The following GPBP1 variants were observed in gnomAD, a reference collection of about 807,000 sequenced individuals.
GPBP1 encodes the protein vasculin.
GPBP1 carries 13 observed loss-of-function variants against 56.5 expected under a neutral mutation model. The ratio of observed to expected loss-of-function variants is 0.23; its 90% CI spans 0.15 to 0.37. The LOEUF (loss-of-function observed/expected upper bound fraction) is 0.37, where lower values mean the gene tolerates loss of function less well. Among genes scored for constraint, GPBP1 ranks in the 10% least tolerant of loss-of-function variants. GPBP1 has a pLI of 1.00. For synonymous variants in GPBP1, 204 were observed against 188.9 expected (o/e 1.08, Z -0.66); for missense variants, 477 against 572.3 (o/e 0.83, Z 1.70).
intron 2 of GPBP1, among the ~76,000 whole-genome samples, chr5:57,200,193 G>T (rs1384197106): frequency 2.5e-5 from 3 of 117,648 alleles, no homozygotes; most frequent in Admixed American, 2.4e-4. Context: ...TCTTTCTTTC[G>T]TTTTAGAATT....
intron 2 of GPBP1, among the ~76,000 whole-genome samples, chr5:57,206,878 G>A (rs1755256003): frequency 1.3e-5 from 2 of 152,134 alleles, no homozygotes; most frequent in Non-Finnish European, 2.9e-5. Context: ...GCCAAGGTGC[G>A]AGGATTGCTT....
At chr5:57,212,302 T>C (rs1755522401) in intron 2 of GPBP1, among the ~76,000 whole-genome samples, 2 of 152,186 alleles carry the variant, frequency 1.3e-5, no homozygotes, top group African/African-American at 4.8e-5. Flanking sequence ...ACTAAAATAC[T>C]AAAGCACCGT....
intron 6 of GPBP1, among the ~76,000 whole-genome samples, chr5:57,236,422 A>G (rs549131588): frequency 2.4e-4 from 37 of 152,330 alleles, no homozygotes; most frequent in African/African-American, 8.9e-4. Flanking sequence ...ATAGTGTGAC[A>G]TGAAGTTAAT....
At chr5:57,192,808 A>G (rs1754585638) in intron 2 of GPBP1, among the ~76,000 whole-genome samples, 1 of 151,612 alleles carries the variant, frequency 6.6e-6, no homozygotes, top group Admixed American at 6.6e-5. Context: ...TACGAAGGCT[A>G]ATGTTTTGTG....
At chr5:57,234,737 T>TA (rs1358687367) in intron 5 of GPBP1, among the ~76,000 whole-genome samples, 5 of 152,150 alleles carry the variant, frequency 3.3e-5, no homozygotes, top group Non-Finnish European at 7.3e-5. Context: ...GGCTCTGAGA[T>TA]ACAGTTGCCC....
Position 57,222,079 on chromosome 5 carries a change from A to G in GPBP1, c.63+7886A>G, listed in dbSNP as rs550689642. ...TTGTTTGTAGAGACAGGGTCTCACT[A>G]TGTTGCCCAGGCTGGTCTTGAAATC... On this transcript the variant is annotated intron_variant, in intron 3 of 11. Coordinates refer to ENST00000506184, the MANE Select transcript of GPBP1 (RefSeq NM_022913.4). Among the ~76,000 whole-genome samples the G allele has an allele frequency of 7.2e-5, 11 of 151,842 alleles. No individual in the cohort carries two copies. In the East Asian group the frequency reaches 1.7e-3, roughly 24 times the overall value.
rs147039537 is a variant in GPBP1, at chr5:57,179,551, A to G, written c.-58+3151A>G. Among the ~76,000 whole-genome samples, 3 of 152,302 alleles carry G rather than the reference A, an allele frequency of 2.0e-5. No homozygotes were observed. The East Asian group carries it at 5.8e-4, about 29-fold the overall frequency. ...TCACCCATAGCCTGTTTCCACAGGC[A>G]TGGAGCTAAATGCATAGCTTTGTTT... On this transcript the variant is annotated intron_variant, in intron 2 of 11. Transcript: ENST00000506184.
chr5:57,216,372 A>G (rs908619316), intron 3 of GPBP1, among the ~76,000 whole-genome samples: 3 of 152,020 alleles, frequency 2.0e-5, no homozygotes, highest in Non-Finnish European at 4.4e-5. Context: ...AGTGCTGCAG[A>G]CTCTTGCAAT....
intron 2 of GPBP1, among the ~76,000 whole-genome samples, chr5:57,191,099 CTTTTT>C (rs564844488): frequency 6.8e-6 from 1 of 146,142 alleles, no homozygotes; most frequent in Non-Finnish European, 1.5e-5. Flanking sequence ...TTTTTCTTTT[CTTTTT>C]TTTTTAAGGC....
intron 2 of GPBP1, among the ~76,000 whole-genome samples, chr5:57,185,855 C>G (rs1754261367): frequency 6.6e-6 from 1 of 150,986 alleles, no homozygotes; most frequent in Non-Finnish European, 1.5e-5. Context: ...TAAAAGTAAG[C>G]CTGGCACAGT....
At chr5:57,228,182 C>T (rs1004327118) in intron 3 of GPBP1, among the ~76,000 whole-genome samples, 8 of 152,128 alleles carry the variant, frequency 5.3e-5, no homozygotes, top group South Asian at 2.1e-4. Context: ...GCTAGCTGGG[C>T]GTGGTGGCTT....
At chr5:57,255,930 G>A (rs1324003090) in intron 10 of GPBP1, among the ~76,000 whole-genome samples, 1 of 152,138 alleles carries the variant, frequency 6.6e-6, no homozygotes, top group Non-Finnish European at 1.5e-5. Context: ...AGAAAATGGA[G>A]AGGATGAGAT....
rs1405050577 is a variant in GPBP1, at chr5:57,219,402, AAC to A, written c.63+5210_63+5211del. Among the ~76,000 whole-genome samples, 408 of 49,276 alleles carry A rather than the reference AAC, an allele frequency of 8.3e-3. 23 individuals carry two copies. Among genetic ancestry groups the A allele is most frequent in the East Asian group, 0.025 (4 of 158 alleles). The allele number at this position is 49,276 out of a possible 152,430, so 32.3% of individuals were successfully genotyped here. A position where few individuals can be genotyped will look rare whatever the true frequency, so the allele number is the denominator to read the frequency against. On this transcript the variant is annotated intron_variant, in intron 3 of 11. Transcript: ENST00000506184. ...AAAAAAAAAAAAAAAAAAAAAAAAA[AAC>A]CAAAAACAAACAAACAAAAAAAAAA...
At position 57,211,944 on chromosome 5, in the gene GPBP1, AT is replaced by A. The variant is rs1341381549; in HGVS notation, c.-57-2120del. Among the ~76,000 whole-genome samples the A allele has an allele frequency of 1.7e-3, 235 of 135,790 alleles. 4 individuals carry two copies. In the East Asian group the frequency reaches 0.033, roughly 19 times the overall value. 89.1% of individuals were successfully genotyped at this position (135,790 alleles called of 152,430 possible). A position where few individuals can be genotyped will look rare whatever the true frequency, so the allele number is the denominator to read the frequency against. On this transcript the variant is annotated intron_variant, in intron 2 of 11. Transcript: ENST00000506184. ...TGTTACCAATTTTAATTAAAAAAAA[AT>A]TTTTTTTTTGAGACAGAGTCTTCCT... is the stretch of plus-strand genomic sequence containing the variant.
At chr5:57,259,910 T>G (rs565467057) in intron 10 of GPBP1, among the ~76,000 whole-genome samples, 1 of 152,230 alleles carries the variant, frequency 6.6e-6, no homozygotes, top group African/African-American at 2.4e-5. Context: ...TGACCTTTGC[T>G]CTTGACTGGT....
intron 2 of GPBP1, among the ~76,000 whole-genome samples, chr5:57,207,778 C>T (rs1205990087): frequency 6.6e-6 from 1 of 152,082 alleles, no homozygotes; most frequent in African/African-American, 2.4e-5. Context: ...AGCTCAGTGA[C>T]CTGGGCTCTC....
intron 2 of GPBP1, among the ~76,000 whole-genome samples, chr5:57,206,927 C>T (rs965949423): frequency 2.6e-5 from 4 of 152,012 alleles, no homozygotes; most frequent in Non-Finnish European, 5.9e-5. Flanking sequence ...CAACGTAGAC[C>T]CCATCTCTAC....
chr5:57,210,458 G>A (rs542962030), intron 2 of GPBP1, among the ~76,000 whole-genome samples: 2 of 152,138 alleles, frequency 1.3e-5, no homozygotes, highest in South Asian at 2.1e-4. Context: ...GTCAAATTTA[G>A]TATTGGGGGG....
chr5:57,178,177 A>C (rs1753879676), intron 2 of GPBP1, among the ~76,000 whole-genome samples: 1 of 152,212 alleles, frequency 6.6e-6, no homozygotes, highest in Non-Finnish European at 1.5e-5. Flanking sequence ...ATGCATCTTA[A>C]ATAAGATTAA....
Sources: gnomAD v4.1 joint callset for allele counts (sites outside exome capture counted in the v4.1 genomes callset) on GRCh38, gnomAD v4.1.1 for gene constraint, MANE v1.5 for transcripts, NCBI Gene and HGNC (gene_info 2026-07-23, HGNC 2026-07-21) for gene names.